The following ACVR2B variants were observed in gnomAD, a reference collection of about 807,000 sequenced individuals.
The protein encoded by ACVR2B is activin A receptor type 2B.
ACVR2B carries 18 observed loss-of-function variants against 65.1 expected under a neutral mutation model. That is an observed-to-expected ratio of 0.28 (90% confidence interval 0.19 to 0.41). The LOEUF (loss-of-function observed/expected upper bound fraction) is 0.41. Among genes scored for constraint, ACVR2B ranks in the 10% least tolerant of loss-of-function variants. ACVR2B has a pLI of 1.00. For missense variants in ACVR2B, 482 were observed against 682.7 expected, an observed-to-expected ratio of 0.71 and a Z score of 3.28; for synonymous variants, 298 against 277.7, an observed-to-expected ratio of 1.07 and a Z score of -0.73.
Position 38,477,625 on chromosome 3 carries a change from G to T in ACVR2B, c.260+131G>T, listed in dbSNP as rs929888420. 28 of 1,187,672 alleles carry T rather than the reference G, an allele frequency of 2.4e-5. No individual in the cohort carries two copies. The highest frequency in any genetic ancestry group is 3.8e-4 in the Middle Eastern group (2 of 5,294). The allele number at this position is 1,187,672 out of a possible 1,614,324, so 73.6% of individuals were successfully genotyped here. On this transcript the variant is annotated intron_variant, in intron 2 of 10. Coordinates refer to ENST00000352511, the MANE Select transcript of ACVR2B (RefSeq NM_001106.4). This position sits in a 1 kb window ranked among gnomAD's most constrained non-coding sequence, Gnocchi z 6.7. ...AAGGGGCTCTTGAGATGGTAGCCAT[G>T]GCCCCACGCCCTTCCACACCCTATT...
chr3:38,481,241 A>G lies in ACVR2B; in HGVS notation c.960-110A>G. 1 of 908,368 alleles carries G rather than the reference A, an allele frequency of 1.1e-6. No individual in the cohort carries two copies. The highest frequency in any genetic ancestry group is 1.8e-6 in the Non-Finnish European group (1 of 545,756). The allele number at this position is 908,368 out of a possible 1,614,324, so 56.3% of individuals were successfully genotyped here. A position where few individuals can be genotyped will look rare whatever the true frequency, so the allele number is the denominator to read the frequency against. On this transcript the variant is annotated intron_variant, in intron 7 of 10. Transcript: ENST00000352511. This position sits in a 1 kb window ranked among gnomAD's most constrained non-coding sequence, Gnocchi z 4.7. ...ACCTCTGCACCCCAGGTAGGGTGGGATGGCCTGGTCTGGGGCCTGACTCTA... is the reference window on the plus strand; with the variant it reads ...ACCTCTGCACCCCAGGTAGGGTGGGGTGGCCTGGTCTGGGGCCTGACTCTA...
intron 1 of ACVR2B, chr3:38,474,591 C>T (rs1709875271): frequency 6.6e-6 from 1 of 152,244 alleles, no homozygotes; most frequent in Non-Finnish European, 1.5e-5. Flanking sequence ...GAAAGCCTGA[C>T]ATTTAGAAAG....
chr3:38,468,410 A>G (rs1247803164), intron 1 of ACVR2B, among the ~76,000 whole-genome samples: 1 of 151,988 alleles, frequency 6.6e-6, no homozygotes, highest in African/African-American at 2.4e-5. Flanking sequence ...TATTTGGTAT[A>G]TTGTTCTGTA....
intron 1 of ACVR2B, among the ~76,000 whole-genome samples, chr3:38,465,931 TCAAAAG>T (rs746298819): frequency 7.2e-5 from 11 of 152,112 alleles, no homozygotes; most frequent in Non-Finnish European, 1.5e-4. Context: ...GGCATTACTA[TCAAAAG>T]AGCTGTAGTT....
intron 10 of ACVR2B, among the ~76,000 whole-genome samples, 173 bp from the exon 11 acceptor site, chr3:38,482,965 C>T (rs1710044565): frequency 6.6e-6 from 1 of 152,172 alleles, no homozygotes; most frequent in South Asian, 2.1e-4. Flanking sequence ...TGAAGGCAGG[C>T]ATGCTGATTC....
chr3:38,480,389 A>G (rs1195411912), intron 7 of ACVR2B, among the ~76,000 whole-genome samples: 1 of 152,218 alleles, frequency 6.6e-6, no homozygotes, highest in Non-Finnish European at 1.5e-5. Flanking sequence ...CATCACTGTC[A>G]TGCTTACTAA....
intron 1 of ACVR2B, 127 bp downstream of exon 1, chr3:38,454,501 A>C: frequency 5.9e-6 from 5 of 848,836 alleles, no homozygotes; most frequent in South Asian, 5.9e-5. Context: ...TTCAGCCCTC[A>C]CCTCCGGGGG....
chr3:38,458,190 A>G (rs1035066213), intron 1 of ACVR2B, among the ~76,000 whole-genome samples: 2 of 152,174 alleles, frequency 1.3e-5, no homozygotes, highest in Admixed American at 1.3e-4. Flanking sequence ...AAGAATCTCC[A>G]GAAGCACCTG....
intron 1 of ACVR2B, among the ~76,000 whole-genome samples, chr3:38,468,623 C>T (rs1709771139): frequency 6.6e-6 from 1 of 152,128 alleles, no homozygotes; most frequent in Non-Finnish European, 1.5e-5. Flanking sequence ...CATTTTTACC[C>T]CATTCTTTCA....
chr3:38,483,186 G>A lies in ACVR2B; in HGVS notation c.1393G>A (p.Ala465Thr), dbSNP rs764656938. The A allele has an allele frequency of 1.2e-6, 2 of 1,614,170 alleles. No homozygotes were observed. The highest frequency in any genetic ancestry group is 1.7e-5 in the Admixed American group (1 of 60,032). The change falls in exon 11 of 11, where the codon GCA becomes ACA. Residue 465 changes from alanine to threonine, a missense_variant. Physicochemically the swap from Ala to Thr is moderately conservative, Grantham distance 58 (BLOSUM62 0). Transcript: ENST00000352511. The surrounding 1 kb of genome is among the most constrained non-coding windows in gnomAD (Gnocchi z 4.8). The part of the protein sequence containing the change: ...VTIEECWDHD[A>T]EARLSAGCVE... ...CATCGAGGAGTGCTGGGACCATGAT[G>A]CAGAGGCTCGCTTGTCCGCGGGCTG...
intron 1 of ACVR2B, chr3:38,473,446 T>C (rs1266763524): frequency 1.3e-5 from 2 of 152,404 alleles, no homozygotes; most frequent in African/African-American, 4.8e-5. Flanking sequence ...TCTGTATCTA[T>C]TAAAAGGCAG....
In ACVR2B at chr3:38,486,570, C is replaced by A. The variant is rs374214077; in HGVS notation, c.*3238C>A. ...TTTGGTGGGCTCAGATAATTGGTTTCTTTTTGTTTTTGACCTCAGGCTCTG... is the reference window on the plus strand; with the variant it reads ...TTTGGTGGGCTCAGATAATTGGTTTATTTTTGTTTTTGACCTCAGGCTCTG... On this transcript the variant is annotated 3_prime_UTR_variant, in exon 11 of 11. Coordinates refer to ENST00000352511, the MANE Select transcript of ACVR2B (RefSeq NM_001106.4). 2 of 152,270 alleles carry A rather than the reference C, an allele frequency of 1.3e-5. No individual in the cohort carries two copies. Among genetic ancestry groups the A allele is most frequent in the South Asian group, 2.1e-4 (1 of 4,820 alleles). 9.4% of individuals were successfully genotyped at this position (152,270 alleles called of 1,614,324 possible).
In ACVR2B at chr3:38,486,965, G is replaced by A. The variant is rs1344595740; in HGVS notation, c.*3633G>A. On this transcript the variant is annotated 3_prime_UTR_variant, in exon 11 of 11. Coordinates refer to ENST00000352511, the MANE Select transcript of ACVR2B (RefSeq NM_001106.4). ...AGAACATCCTGGCCTGGCATAAGCT[G>A]GGTTTTCTCCTGGGACCATTGGTCC... 6.6e-6 allele frequency: 1 copy of A among 152,412 alleles called. No individual in the cohort carries two copies. The highest frequency in any genetic ancestry group is 1.9e-4 in the East Asian group (1 of 5,196). The allele number at this position is 152,412 out of a possible 1,614,324, so 9.4% of individuals were successfully genotyped here.
chr3:38,464,648 G>A (rs1470366997), intron 1 of ACVR2B, among the ~76,000 whole-genome samples: 2 of 152,168 alleles, frequency 1.3e-5, no homozygotes, highest in African/African-American at 2.4e-5. Context: ...AGGAAGACAG[G>A]AATTGGAGTT....
At position 38,477,123 on chromosome 3, in the gene ACVR2B, C is replaced by T. The variant is rs140046726; in HGVS notation, c.53-164C>T. 1,704 of 693,996 alleles carry T rather than the reference C, an allele frequency of 2.5e-3. 15 individuals are homozygous for T. Among genetic ancestry groups the T allele is most frequent in the African/African-American group, 0.022 (1,221 of 56,344 alleles). 43.0% of individuals were successfully genotyped at this position (693,996 alleles called of 1,614,324 possible). ...CACACGTAAATTAAGAGGTGTGGGA[C>T]GGATGGGTGGCCTACGTCCAGGGGT... On this transcript the variant is annotated intron_variant, in intron 1 of 10. Coordinates refer to ENST00000352511, the MANE Select transcript of ACVR2B (RefSeq NM_001106.4). This position sits in a 1 kb window ranked among gnomAD's most constrained non-coding sequence, Gnocchi z 6.7.
chr3:38,461,460 G>C (rs2125713537), intron 1 of ACVR2B, among the ~76,000 whole-genome samples: 1 of 152,258 alleles, frequency 6.6e-6, no homozygotes, highest in Non-Finnish European at 1.5e-5. Context: ...AGGAGCAGAA[G>C]GGTTAGAGAG....
At chr3:38,478,027 T>G in intron 3 of ACVR2B, 57 bp downstream of exon 3, 1 of 1,603,132 alleles carries the variant, frequency 6.2e-7, no homozygotes. Flanking sequence ...CTTCTTTGGC[T>G]TGGAGCGCTT....
rs886058403 is a variant in ACVR2B at position 38,486,171 on chromosome 3, G to GC, written c.*2841dup. 6.6e-6 allele frequency: 1 copy of GC among 152,322 alleles called. No individual in the cohort carries two copies. Among genetic ancestry groups the GC allele is most frequent in the Admixed American group, 6.5e-5 (1 of 15,284 alleles). 9.4% of individuals were successfully genotyped at this position (152,322 alleles called of 1,614,324 possible). A position where few individuals can be genotyped will look rare whatever the true frequency, so the allele number is the denominator to read the frequency against. On this transcript the variant is annotated 3_prime_UTR_variant, in exon 11 of 11. Coordinates refer to ENST00000352511, the MANE Select transcript of ACVR2B (RefSeq NM_001106.4). ...CCCCGTTAGGCCCACCGTACGCTCA[G>GC]CCACTATAGTGTCCCTGTGGGGCCT...
intron 3 of ACVR2B, 28 bp from the exon 4 acceptor site, chr3:38,478,109 CTGTT>C: frequency 6.2e-7 from 1 of 1,611,004 alleles, no homozygotes; most frequent in Non-Finnish European, 8.5e-7. Flanking sequence ...GGTGGGCAGA[CTGTT>C]TGACACAGGG....
Sources: gnomAD v4.1 joint callset for allele counts (sites outside exome capture counted in the v4.1 genomes callset) on GRCh38, gnomAD v4.1.1 for gene constraint, Gnocchi (gnomAD v3.1) non-coding constraint, MANE v1.5 for transcripts, NCBI Gene and HGNC (gene_info 2026-07-23, HGNC 2026-07-21) for gene names.